Variants in NALCN observed in about 807,000 individuals in gnomAD.
NALCN encodes sodium leak channel NALCN.
In NALCN, 111 loss-of-function variants were observed where a neutral mutation model predicts 225.3. The observed-to-expected ratio is 0.49, with a 90% CI of 0.42 to 0.58. The LOEUF is 0.58. Among genes scored for constraint, NALCN ranks in the 20% least tolerant of loss-of-function variants. The pLI is 0.00. For synonymous variants in NALCN, 764 were observed against 769.0 expected (o/e 0.99, Z 0.11); for missense variants, 1,378 against 2,202.4 (o/e 0.63, Z 7.49).
chr13:101,206,491 A>G (rs138161230), intron 13 of NALCN, among the ~76,000 whole-genome samples: 80 of 152,132 alleles, frequency 5.3e-4, no homozygotes, highest in African/African-American at 1.8e-3. Flanking sequence ...TTTATTGTAA[A>G]TATAACTAGC....
At chr13:101,239,860 T>C (rs758862635) in intron 11 of NALCN, among the ~76,000 whole-genome samples, 2 of 152,122 alleles carry the variant, frequency 1.3e-5, no homozygotes, top group African/African-American at 4.8e-5. Flanking sequence ...CCTTCAGCAA[T>C]ACAGGAAAGT....
At chr13:101,176,753 T>C (rs1043869797) in intron 14 of NALCN, among the ~76,000 whole-genome samples, 1 of 152,178 alleles carries the variant, frequency 6.6e-6, no homozygotes, top group Non-Finnish European at 1.5e-5. Context: ...AAGGAAATAT[T>C]AGAAATAACA....
chr13:101,172,599 A>G (rs764850347), intron 15 of NALCN, among the ~76,000 whole-genome samples: 11 of 152,102 alleles, frequency 7.2e-5, no homozygotes, highest in African/African-American at 1.9e-4. Flanking sequence ...TCGCTCTGTC[A>G]CCCAGGCTGG....
chr13:101,124,568 C>A (rs778385338), intron 18 of NALCN, 40 bp downstream of exon 18: 16 of 1,530,068 alleles, frequency 1.0e-5, no homozygotes, highest in Non-Finnish European at 1.4e-5. Context: ...AATATAATCC[C>A]ACTTGTGTTT....
At chr13:101,416,019 C>G (rs1362142555) in intron 1 of NALCN, among the ~76,000 whole-genome samples, 2 of 152,218 alleles carry the variant, frequency 1.3e-5, no homozygotes, top group African/African-American at 4.8e-5. Flanking sequence ...GCGGCAGGCG[C>G]CCCCGACACC....
At chr13:101,172,428 AC>A (rs1316514679) in intron 15 of NALCN, among the ~76,000 whole-genome samples, 1 of 151,708 alleles carries the variant, frequency 6.6e-6, no homozygotes, top group Non-Finnish European at 1.5e-5. Flanking sequence ...TAATTTCTTC[AC>A]TAGTACCTTT....
intron 17 of NALCN, among the ~76,000 whole-genome samples, chr13:101,134,282 T>C (rs1023040682): frequency 6.6e-6 from 1 of 152,224 alleles, no homozygotes; most frequent in Non-Finnish European, 1.5e-5. Context: ...CATATAAACA[T>C]GCATGTGCAC....
chr13:101,341,353 T>C (rs184567166), intron 7 of NALCN, among the ~76,000 whole-genome samples: 156 of 152,342 alleles, frequency 1.0e-3, no homozygotes, highest in African/African-American at 3.6e-3. Context: ...TGCCATTACA[T>C]TCTAGAGTTC....
chr13:101,126,427 GC>G (rs894303766), intron 17 of NALCN, among the ~76,000 whole-genome samples: 6 of 151,988 alleles, frequency 3.9e-5, no homozygotes, highest in Non-Finnish European at 8.8e-5. Context: ...GCACATACAT[GC>G]TATTTCCAAT....
chr13:101,103,166 A>T lies in NALCN; in HGVS notation c.3057+6T>A, dbSNP rs376491904. 1 of 1,611,428 alleles carries T rather than the reference A, an allele frequency of 6.2e-7. No homozygotes were observed. Among genetic ancestry groups the T allele is most frequent in the Non-Finnish European group, 8.5e-7 (1 of 1,179,000 alleles). On this transcript the variant is annotated splice_donor_region_variant and intron_variant, in intron 26 of 43. Coordinates refer to ENST00000251127, the MANE Select transcript of NALCN (RefSeq NM_052867.4). Reference sequence around the variant, plus strand: ...GAACTGGAATCAAAGGATAATTCTCACATACCAAAAAAATTTCCTTGAAGC... The same window carrying T: ...GAACTGGAATCAAAGGATAATTCTCTCATACCAAAAAAATTTCCTTGAAGC...
Position 101,244,359 on chromosome 13 carries a change from A to T in NALCN, c.1267-6437T>A, listed in dbSNP as rs1594514616. Among the ~76,000 whole-genome samples, 5 of 152,236 alleles carry T rather than the reference A, an allele frequency of 3.3e-5. No homozygotes were observed. The South Asian group carries it at 1.0e-3, about 32-fold the overall frequency. On this transcript the variant is annotated intron_variant, in intron 11 of 43. Transcript: ENST00000251127. Reference sequence around the variant, plus strand: ...TTTAAATGAGCATAATTTATAGTAAAATATGCAGCTGGATCTGTTTGCATT... The same window carrying T: ...TTTAAATGAGCATAATTTATAGTAATATATGCAGCTGGATCTGTTTGCATT...
At chr13:101,401,450 G>T (rs2047476827) in intron 1 of NALCN, among the ~76,000 whole-genome samples, 1 of 152,130 alleles carries the variant, frequency 6.6e-6, no homozygotes, top group Admixed American at 6.5e-5. Context: ...GCAAGTAAAA[G>T]AGTGGTTTCA....
At chr13:101,230,204 C>A (rs1035112852) in intron 12 of NALCN, among the ~76,000 whole-genome samples, 1 of 152,148 alleles carries the variant, frequency 6.6e-6, no homozygotes, top group Admixed American at 6.5e-5. Flanking sequence ...ACATCGAAAG[C>A]CAAAACACTT....
chr13:101,150,504 G>C (rs17582192), intron 15 of NALCN, among the ~76,000 whole-genome samples: 4,033 of 152,258 alleles, frequency 0.026, 74 homozygotes, highest in Non-Finnish European at 0.038. Flanking sequence ...CCAAGCTACA[G>C]ACACAGAAAA....
intron 15 of NALCN, among the ~76,000 whole-genome samples, chr13:101,149,588 T>G (rs1279322755): frequency 6.6e-6 from 1 of 152,220 alleles, no homozygotes; most frequent in Non-Finnish European, 1.5e-5. Flanking sequence ...CACAACTTGG[T>G]CATTGCGCTG....
chr13:101,188,458 A>AACT lies in NALCN; in HGVS notation c.1764+3458_1764+3459insAGT, dbSNP rs2039536606. ...GGGATGGCCATCAGTTGACTGGAGC[A>AACT]GTGCTTTGCAAACTAAGAAAACTTA... On this transcript the variant is annotated intron_variant, in intron 14 of 43. Coordinates refer to ENST00000251127, the MANE Select transcript of NALCN (RefSeq NM_052867.4). Among the ~76,000 whole-genome samples, 3 of 152,086 alleles carry AACT rather than the reference A, an allele frequency of 2.0e-5. No individual in the cohort carries two copies. The South Asian group carries it at 6.2e-4, about 32-fold the overall frequency.
Position 101,254,816 on chromosome 13 carries a change from G to A in NALCN, c.1266+3627C>T, listed in dbSNP as rs2042175086. On this transcript the variant is annotated intron_variant, in intron 11 of 43. Coordinates refer to ENST00000251127, the MANE Select transcript of NALCN (RefSeq NM_052867.4). Reference sequence around the variant, plus strand: ...TGAGGCAGGAGAATGGCGTGAACCCGGGAGGCGGAGCTTGCAGTGAGCCGA... The same window carrying A: ...TGAGGCAGGAGAATGGCGTGAACCCAGGAGGCGGAGCTTGCAGTGAGCCGA... Among the ~76,000 whole-genome samples, 2 of 79,052 alleles carry A rather than the reference G, an allele frequency of 2.5e-5. 1 individual carries two copies. Among genetic ancestry groups the A allele is most frequent in the African/African-American group, 7.4e-5 (2 of 27,154 alleles). The allele number at this position is 79,052 out of a possible 152,430, so 51.9% of individuals were successfully genotyped here. A position where few individuals can be genotyped will look rare whatever the true frequency, so the allele number is the denominator to read the frequency against.
chr13:101,105,633 A>T (rs1404996612), intron 22 of NALCN, among the ~76,000 whole-genome samples: 5 of 98,006 alleles, frequency 5.1e-5, no homozygotes, highest in African/African-American at 1.6e-4. Flanking sequence ...ATAATTCAAG[A>T]TAAAAAAAAC....
At chr13:101,136,462 GC>G (rs2036800839) in intron 17 of NALCN, among the ~76,000 whole-genome samples, 1 of 85,784 alleles carries the variant, frequency 1.2e-5, no homozygotes, top group South Asian at 3.4e-4. Context: ...CCCTCCCCCT[GC>G]CCCATGACAG....
Sources: gnomAD v4.1 joint callset for allele counts (sites outside exome capture counted in the v4.1 genomes callset) on GRCh38, gnomAD v4.1.1 for gene constraint, MANE v1.5 for transcripts, NCBI Gene and HGNC (gene_info 2026-07-23, HGNC 2026-07-21) for gene names.